The following SOX5 variants were observed in gnomAD, a reference collection of about 807,000 sequenced individuals.
SOX5 encodes the protein SRY-box transcription factor 5, also known as transcription factor SOX-5.
A neutral mutation model predicts 92.0 loss-of-function variants in SOX5; 9 were observed. That is an observed-to-expected ratio of 0.10 (90% CI 0.06 to 0.17). The LOEUF is 0.17. Among genes scored for constraint, SOX5 ranks in the 10% least tolerant of loss-of-function variants. The pLI, the probability that SOX5 is intolerant of heterozygous loss-of-function variation, is 1.00. For missense variants in SOX5, 642 were observed against 944.5 expected (o/e 0.68, Z 4.20); for synonymous variants, 344 against 336.3 (o/e 1.02, Z -0.25).
At chr12:23,949,009 G>T (rs1233333784) in intron 1 of SOX5, among the ~76,000 whole-genome samples, 1 of 152,042 alleles carries the variant, frequency 6.6e-6, no homozygotes, top group East Asian at 1.9e-4. Flanking sequence ...CTAATATAGC[G>T]ATGATGTTAA....
At chr12:23,795,420 C>G (rs928036308) in intron 3 of SOX5, among the ~76,000 whole-genome samples, 1 of 152,066 alleles carries the variant, frequency 6.6e-6, no homozygotes, top group African/African-American at 2.4e-5. Flanking sequence ...TTTTCTGTAC[C>G]TCAACTATGT....
At chr12:23,891,314 T>C (rs1001921773) in intron 2 of SOX5, among the ~76,000 whole-genome samples, 2 of 152,198 alleles carry the variant, frequency 1.3e-5, no homozygotes, top group African/African-American at 4.8e-5. Flanking sequence ...TTTCAAACCG[T>C]AACATTTGCA....
At chr12:23,675,881 C>T (rs1218437414) in intron 6 of SOX5, among the ~76,000 whole-genome samples, 2 of 151,940 alleles carry the variant, frequency 1.3e-5, no homozygotes, top group African/African-American at 4.8e-5. Flanking sequence ...ATAAAAATGG[C>T]CAATAGGTAT....
chr12:24,335,987 A>ATATATATATATATATATATATATG (rs1555235765), intron 2 of SOX5, among the ~76,000 whole-genome samples: 2 of 134,362 alleles, frequency 1.5e-5, no homozygotes, highest in Non-Finnish European at 3.1e-5. Context: ...ATATATATAT[A>ATATATATATATATATATATATATG]TCCATAATAT....
At chr12:23,777,309 T>C (rs2141666868) in intron 3 of SOX5, among the ~76,000 whole-genome samples, 1 of 152,294 alleles carries the variant, frequency 6.6e-6, no homozygotes, top group South Asian at 2.1e-4. Context: ...ATGTATGCTA[T>C]ACATCAAAGG....
intron 3 of SOX5, among the ~76,000 whole-genome samples, chr12:24,218,361 AAAG>A (rs954860894): frequency 6.6e-6 from 1 of 152,320 alleles, no homozygotes. Flanking sequence ...TTATCAAGTG[AAAG>A]AAGTCAGTGA....
intron 3 of SOX5, among the ~76,000 whole-genome samples, chr12:23,828,079 T>G (rs2096260801): frequency 6.6e-6 from 1 of 152,186 alleles, no homozygotes; most frequent in Admixed American, 6.5e-5. Context: ...GTCCCATAGA[T>G]TATAATACCA....
intron 2 of SOX5, among the ~76,000 whole-genome samples, chr12:24,318,909 T>C (rs1949955265): frequency 6.6e-6 from 1 of 152,118 alleles, no homozygotes; most frequent in Non-Finnish European, 1.5e-5. Context: ...TTCTACAGAT[T>C]AACACTCTCC....
rs1353992861 is a variant in SOX5 at position 23,530,316 on chromosome 12, T to G, written c.*3903A>C. The G allele has an allele frequency of 1.3e-5, 2 of 152,240 alleles. No individual in the cohort carries two copies. Among genetic ancestry groups the G allele is most frequent in the African/African-American group, 4.8e-5 (2 of 41,464 alleles). 9.4% of individuals were successfully genotyped at this position (152,240 alleles called of 1,614,324 possible). ...ATGTTTTAAATGTGATATAAGAGGT[T>G]TCTTCTGGGAACAGTCACAGCTTCT... On this transcript the variant is annotated 3_prime_UTR_variant, in exon 15 of 15. Coordinates refer to ENST00000451604, the MANE Select transcript of SOX5 (RefSeq NM_006940.6).
intron 7 of SOX5, among the ~76,000 whole-genome samples, chr12:23,643,878 C>A (rs2080466356): frequency 6.6e-6 from 1 of 152,014 alleles, no homozygotes; most frequent in Admixed American, 6.6e-5. Flanking sequence ...CTTTTCAATG[C>A]AAGATTCAGA....
At chr12:24,539,712 T>C (rs1218987026) in intron 1 of SOX5, among the ~76,000 whole-genome samples, 1 of 152,046 alleles carries the variant, frequency 6.6e-6, no homozygotes, top group Non-Finnish European at 1.5e-5. Context: ...TTCCTACATA[T>C]TTAAGAAGGA....
At chr12:24,077,657 T>C (rs1314573359) in intron 4 of SOX5, among the ~76,000 whole-genome samples, 1 of 151,396 alleles carries the variant, frequency 6.6e-6, no homozygotes, top group Non-Finnish European at 1.5e-5. Context: ...AAATAATTAA[T>C]AAAACATCAA....
At chr12:24,287,431 A>G (rs12317126) in intron 2 of SOX5, among the ~76,000 whole-genome samples, 11,666 of 152,068 alleles carry the variant, frequency 0.077, 1,316 homozygotes, top group African/African-American at 0.25. Flanking sequence ...TGCTTTTTGA[A>G]CACTAAGTGC....
intron 2 of SOX5, among the ~76,000 whole-genome samples, chr12:24,314,607 G>A (rs188523391): frequency 1.4e-4 from 21 of 151,894 alleles, no homozygotes; most frequent in Admixed American, 1.1e-3. Context: ...CCCTATCAAC[G>A]CTTCCCATCT....
At chr12:23,568,730 T>G (rs533347967) in intron 10 of SOX5, among the ~76,000 whole-genome samples, 25 of 152,258 alleles carry the variant, frequency 1.6e-4, no homozygotes, top group African/African-American at 5.3e-4. Context: ...ACAGTTTCAC[T>G]TCTTCCTCGC....
At chr12:23,966,374 T>G (rs1323183824) in intron 4 of SOX5, among the ~76,000 whole-genome samples, 2 of 152,110 alleles carry the variant, frequency 1.3e-5, no homozygotes, top group Non-Finnish European at 2.9e-5. Context: ...AACATCTAAG[T>G]AACACATTTA....
chr12:23,615,145 T>C (rs2076403005), intron 8 of SOX5, among the ~76,000 whole-genome samples: 1 of 152,126 alleles, frequency 6.6e-6, no homozygotes, highest in Admixed American at 6.5e-5. Flanking sequence ...TAATTATAAC[T>C]ATTTTGGCAG....
chr12:24,412,780 C>CTTTTTTT, intron 1 of SOX5, among the ~76,000 whole-genome samples: 1 of 132,442 alleles, frequency 7.6e-6, no homozygotes, highest in Non-Finnish European at 1.6e-5. Context: ...ATTAGATTTT[C>CTTTTTTT]TTTTTTTTTT....
chr12:24,131,252 A>G (rs1411993870), intron 4 of SOX5, among the ~76,000 whole-genome samples: 1 of 152,218 alleles, frequency 6.6e-6, no homozygotes, highest in Non-Finnish European at 1.5e-5. Flanking sequence ...TCTACATGCT[A>G]ATTGTACTAA....
Sources: gnomAD v4.1 joint callset for allele counts (sites outside exome capture counted in the v4.1 genomes callset) on GRCh38, gnomAD v4.1.1 for gene constraint, MANE v1.5 for transcripts, NCBI Gene and HGNC (gene_info 2026-07-23, HGNC 2026-07-21) for gene names.